Variants in TPCN1 observed in about 807,000 individuals in gnomAD.
The protein encoded by TPCN1 is two pore segment channel 1.
In TPCN1, 52 loss-of-function variants were observed where a neutral mutation model predicts 108.8. That is an observed-to-expected ratio of 0.48 (90% CI 0.38 to 0.60). The LOEUF (loss-of-function observed/expected upper bound fraction) is 0.60. Among genes scored for constraint, TPCN1 ranks in the 20% least tolerant of loss-of-function variants. TPCN1 has a pLI of 0.00. For synonymous variants in TPCN1, 446 were observed against 433.7 expected (o/e 1.03, Z -0.35); for missense variants, 806 against 1,072.8 (o/e 0.75, Z 3.47).
chr12:113,257,217 C>G (rs55735557), intron 2 of TPCN1, among the ~76,000 whole-genome samples: 1 of 152,170 alleles, frequency 6.6e-6, no homozygotes, highest in Non-Finnish European at 1.5e-5. Flanking sequence ...GTTGGCCAGG[C>G]GCAGCAGCCC....
In TPCN1 at chr12:113,296,437, C is replaced by T. The variant is rs1480390283; in HGVS notation, c.*361C>T. 8.4e-6 allele frequency: 2 copies of T among 237,894 alleles called. No individual in the cohort carries two copies. Among genetic ancestry groups the T allele is most frequent in the African/African-American group, 2.2e-5 (1 of 45,272 alleles). The allele number at this position is 237,894 out of a possible 1,614,324, so 14.7% of individuals were successfully genotyped here. ...ACGTCCAAAGCTGTCACTGCTACTG[C>T]TTCAGGCTCACATCCCCCCGACCTG... is the stretch of plus-strand genomic sequence containing the variant. On this transcript the variant is annotated 3_prime_UTR_variant, in exon 28 of 28. Transcript: ENST00000335509.
rs533875613 is a variant in TPCN1, at chr12:113,246,824, C to T, written c.113-13544C>T. 8.5e-5 allele frequency among the ~76,000 whole-genome samples: 13 copies of T among 152,304 alleles called. No individual in the cohort carries two copies. The South Asian group carries it at 2.1e-3, about 24-fold the overall frequency. On this transcript the variant is annotated intron_variant, in intron 2 of 27. Coordinates refer to ENST00000335509, the MANE Select transcript of TPCN1 (RefSeq NM_017901.6). ...CAAAGGTGTTGCTTCTTCCGTGGTC[C>T]GTAATGAGCACCAGTTGGAGAGGGC...
Position 113,291,747 on chromosome 12 carries a change from C to T in TPCN1, c.2028+70C>T, listed in dbSNP as rs1403468081. ...ATCACCAGCTGCCCCTGCTCTTCAG[C>T]CTGCAGCGTCAGGGAGTGGGGCTGG... is the stretch of plus-strand genomic sequence containing the variant. On this transcript the variant is annotated intron_variant, in intron 24 of 27. Coordinates refer to ENST00000335509, the MANE Select transcript of TPCN1 (RefSeq NM_017901.6). 1.3e-5 allele frequency: 20 copies of T among 1,582,930 alleles called. No individual in the cohort carries two copies. In the Admixed American group the frequency reaches 3.1e-4, roughly 24 times the overall value.
chr12:113,262,624 TG>T (rs1239875045), intron 3 of TPCN1, among the ~76,000 whole-genome samples: 2 of 152,182 alleles, frequency 1.3e-5, no homozygotes, highest in Non-Finnish European at 2.9e-5. Flanking sequence ...TCACCTTCTC[TG>T]AGGCCGGATA....
In TPCN1 at chr12:113,232,102, G is replaced by A. The variant is rs1953708030; in HGVS notation, c.112+5138G>A. 6.6e-6 allele frequency among the ~76,000 whole-genome samples: 1 copy of A among 152,238 alleles called. No homozygotes were observed. The highest frequency in any genetic ancestry group is 6.5e-5 in the Admixed American group (1 of 15,288). On this transcript the variant is annotated intron_variant, in intron 2 of 27. Transcript: ENST00000335509. The surrounding 1 kb of genome is among the most constrained non-coding windows in gnomAD (Gnocchi z 5.6). ...GTGAAGGAAGGATTGGGCTCGCGGG[G>A]GCTGGCTGAGGTCTGAGCAGGATGC...
At chr12:113,249,666 TAAA>T (rs1954553447) in intron 2 of TPCN1, 1 of 152,222 alleles carries the variant, frequency 6.6e-6, no homozygotes, top group Non-Finnish European at 1.5e-5. Context: ...TCTACTTCCA[TAAA>T]ACACAACAAA....
At chr12:113,254,187 T>TA (rs1954751971) in intron 2 of TPCN1, among the ~76,000 whole-genome samples, 1 of 152,196 alleles carries the variant, frequency 6.6e-6, no homozygotes, top group Non-Finnish European at 1.5e-5. Context: ...TAATATGTAA[T>TA]AAAAACTTTC....
At chr12:113,228,199 G>A (rs1192889348) in intron 2 of TPCN1, among the ~76,000 whole-genome samples, 1 of 152,240 alleles carries the variant, frequency 6.6e-6, no homozygotes, top group Non-Finnish European at 1.5e-5. Flanking sequence ...AAATGGTTGA[G>A]CAGAGATTTG....
chr12:113,269,693 A>G lies in TPCN1; in HGVS notation c.660-64A>G. On this transcript the variant is annotated intron_variant, in intron 6 of 27. Coordinates refer to ENST00000335509, the MANE Select transcript of TPCN1 (RefSeq NM_017901.6). The surrounding 1 kb of genome is among the most constrained non-coding windows in gnomAD (Gnocchi z 5.0). ...GAAGCACTAGGCCTCCATCTCAACAAGGAGGAGTCCCAGGCAGCCCGCCCC... is the reference window on the plus strand; with the variant it reads ...GAAGCACTAGGCCTCCATCTCAACAGGGAGGAGTCCCAGGCAGCCCGCCCC... 7.2e-7 allele frequency: 1 copy of G among 1,392,938 alleles called. No individual in the cohort carries two copies. The highest frequency in any genetic ancestry group is 1.0e-6 in the Non-Finnish European group (1 of 988,704). The allele number at this position is 1,392,938 out of a possible 1,614,324, so 86.3% of individuals were successfully genotyped here. A position where few individuals can be genotyped will look rare whatever the true frequency, so the allele number is the denominator to read the frequency against.
chr12:113,266,385 G>T lies in TPCN1; in HGVS notation c.414+29G>T. On this transcript the variant is annotated intron_variant, in intron 4 of 27. Transcript: ENST00000335509. This position sits in a 1 kb window ranked among gnomAD's most constrained non-coding sequence, Gnocchi z 4.2. ...AGCGCACATGCTCCTCATACGGGGG[G>T]CTGGGAGCCACGGCTTTCAGGGCAA... 6.3e-7 allele frequency: 1 copy of T among 1,597,176 alleles called. No individual in the cohort carries two copies.
At chr12:113,255,714 C>T (rs775970282) in intron 2 of TPCN1, among the ~76,000 whole-genome samples, 19 of 147,740 alleles carry the variant, frequency 1.3e-4, no homozygotes, top group South Asian at 2.2e-4. Flanking sequence ...TTAGTAGAGA[C>T]GGGCGGGGTT....
chr12:113,287,490 G>A (rs905062989), intron 19 of TPCN1: 3 of 177,942 alleles, frequency 1.7e-5, no homozygotes, highest in Non-Finnish European at 3.5e-5. Context: ...ACCCTCGTGT[G>A]GGTCCCACTG....
At position 113,233,606 on chromosome 12, in the gene TPCN1, G is replaced by T. The variant is rs75190389; in HGVS notation, c.112+6642G>T. On this transcript the variant is annotated intron_variant, in intron 2 of 27. Transcript: ENST00000335509. The stretch of plus-strand genomic sequence containing the variant: ...GAATCCTCTGGTTCGGACATCCTCT[G>T]ACTGTCACCCTTCTCCCCGCAGTCA... Among the ~76,000 whole-genome samples, 630 of 152,344 alleles carry T rather than the reference G, an allele frequency of 4.1e-3. 8 individuals are homozygous for T. The highest frequency in any genetic ancestry group is 0.014 in the African/African-American group (584 of 41,586).
chr12:113,275,256 G>C (rs573859422), intron 10 of TPCN1, among the ~76,000 whole-genome samples: 32 of 152,208 alleles, frequency 2.1e-4, no homozygotes, highest in African/African-American at 7.5e-4. Flanking sequence ...TCTCTTTTTT[G>C]AGATGGAGTC....
At chr12:113,223,448 TTTTTG>T (rs1953343221) in intron 1 of TPCN1, among the ~76,000 whole-genome samples, 1 of 151,990 alleles carries the variant, frequency 6.6e-6, no homozygotes, top group Admixed American at 6.6e-5. Flanking sequence ...TTTTTTTTTT[TTTTTG>T]GTTCTTCTCA....
chr12:113,293,486 G>C, intron 27 of TPCN1, 137 bp downstream of exon 27: 2 of 839,514 alleles, frequency 2.4e-6, no homozygotes, highest in Non-Finnish European at 3.9e-6. Flanking sequence ...GACCACTGCT[G>C]GGGTTGTGTG....
Position 113,266,333 on chromosome 12 carries a change from C to T in TPCN1, c.391C>T (p.Pro131Ser). 1.9e-6 allele frequency: 3 copies of T among 1,609,432 alleles called. No individual in the cohort carries two copies. Among genetic ancestry groups the T allele is most frequent in the Non-Finnish European group, 2.5e-6 (3 of 1,179,996 alleles). The change falls in exon 4 of 28, where the codon CCC (proline) becomes TCC (serine). Residue 131 changes from proline to serine, a missense_variant. Pro to Ser is a moderately conservative substitution (Grantham distance 74). Transcript: ENST00000335509. The surrounding 1 kb of genome is among the most constrained non-coding windows in gnomAD (Gnocchi z 4.2). ...CTCCCTGTGCGAGGCCCCCGCCGTC[C>T]CCGCACTCCGGCTTGGCATCTATGT... is the stretch of plus-strand genomic sequence containing the variant. ...LLSLCEAPAVPALRLGIYVHA... is the reference protein window; with the variant it reads ...LLSLCEAPAVSALRLGIYVHA...
chr12:113,242,745 A>C (rs1954199323), intron 2 of TPCN1, among the ~76,000 whole-genome samples: 1 of 152,096 alleles, frequency 6.6e-6, no homozygotes. Flanking sequence ...TGTTTCTAGA[A>C]TGTGCCACTC....
chr12:113,271,289 G>A (rs914102858), intron 7 of TPCN1, among the ~76,000 whole-genome samples: 1 of 152,024 alleles, frequency 6.6e-6, no homozygotes, highest in Admixed American at 6.6e-5. Flanking sequence ...AAATAAATAA[G>A]TAATAATAAC....
Sources: gnomAD v4.1 joint callset for allele counts (sites outside exome capture counted in the v4.1 genomes callset) on GRCh38, gnomAD v4.1.1 for gene constraint, Gnocchi (gnomAD v3.1) non-coding constraint, MANE v1.5 for transcripts, NCBI Gene and HGNC (gene_info 2026-07-23, HGNC 2026-07-21) for gene names.